HTR1F: variants seen among roughly 807,000 people sequenced by gnomAD.
HTR1F encodes the protein 5-hydroxytryptamine (serotonin) receptor 1F, G protein-coupled.
Under a neutral mutation model 24.0 loss-of-function variants are expected in HTR1F, and 17 were observed. The observed-to-expected ratio is 0.71, with a 90% confidence interval of 0.48 to 1.06. The LOEUF is 1.06. Ranked by LOEUF, HTR1F falls within the 50% of genes least tolerant of loss-of-function variation. The probability of loss-of-function intolerance (pLI) is 0.00; values close to 1 mark genes in which losing one functional copy is unlikely to be tolerated. For synonymous variants in HTR1F, 186 were observed against 156.8 expected, an observed-to-expected ratio of 1.19 and a Z score of -1.39; for missense variants, 391 against 427.8, an observed-to-expected ratio of 0.91 and a Z score of 0.76.
chr3:87,919,201 C>A (rs1184324674), intron 2 of HTR1F, among the ~76,000 whole-genome samples: 1 of 152,030 alleles, frequency 6.6e-6, no homozygotes, highest in East Asian at 1.9e-4. Flanking sequence ...ATCCTCATCT[C>A]TCACCTTATA....
intron 2 of HTR1F, among the ~76,000 whole-genome samples, chr3:87,848,902 G>T (rs1421139817): frequency 6.6e-6 from 1 of 151,476 alleles, no homozygotes; most frequent in East Asian, 1.9e-4. Flanking sequence ...ACTTACAAGG[G>T]ATGTGAAGGA....
At chr3:87,894,185 C>G (rs1383682283) in intron 2 of HTR1F, among the ~76,000 whole-genome samples, 2 of 152,084 alleles carry the variant, frequency 1.3e-5, no homozygotes, top group African/African-American at 4.8e-5. Flanking sequence ...TCTTCCCACC[C>G]TTTCCCCCTG....
At chr3:87,989,732 C>CA (rs1705775965) in intron 2 of HTR1F, among the ~76,000 whole-genome samples, 1 of 152,110 alleles carries the variant, frequency 6.6e-6, no homozygotes, top group Admixed American at 6.6e-5. Flanking sequence ...ATACAGTGCA[C>CA]AAATGGTGTG....
At chr3:87,810,441 A>C (rs1704141459) in intron 1 of HTR1F, among the ~76,000 whole-genome samples, 1 of 152,186 alleles carries the variant, frequency 6.6e-6, no homozygotes, top group African/African-American at 2.4e-5. Context: ...AGCAGACAGT[A>C]GGCCTAGAAA....
At chr3:87,972,937 G>A (rs184663883) in intron 2 of HTR1F, among the ~76,000 whole-genome samples, 3 of 151,476 alleles carry the variant, frequency 2.0e-5, no homozygotes, top group African/African-American at 4.9e-5. Flanking sequence ...TTGGGAGGCC[G>A]AGGCAGGTGG....
intron 2 of HTR1F, among the ~76,000 whole-genome samples, chr3:87,836,164 A>G (rs368589181): frequency 6.6e-6 from 1 of 152,146 alleles, no homozygotes; most frequent in South Asian, 2.1e-4. Flanking sequence ...CCTTCAGGGA[A>G]TATTTGTGAT....
intron 2 of HTR1F, among the ~76,000 whole-genome samples, chr3:87,838,121 G>T (rs747691728): frequency 6.6e-6 from 1 of 151,980 alleles, no homozygotes; most frequent in Non-Finnish European, 1.5e-5. Flanking sequence ...AAATAATAAA[G>T]AAAAAGAATC....
At chr3:87,876,232 T>C (rs1385656352) in intron 2 of HTR1F, among the ~76,000 whole-genome samples, 6 of 152,140 alleles carry the variant, frequency 3.9e-5, no homozygotes, top group Admixed American at 6.6e-5. Flanking sequence ...TACCACATGA[T>C]CCAGCAATAC....
chr3:87,833,512 A>T (rs932963798), intron 2 of HTR1F, among the ~76,000 whole-genome samples: 15 of 152,040 alleles, frequency 9.9e-5, no homozygotes, highest in African/African-American at 3.4e-4. Context: ...TAAAGCACTT[A>T]AAAAAATAGG....
chr3:87,834,459 T>G (rs1704643466), intron 2 of HTR1F, among the ~76,000 whole-genome samples: 1 of 152,130 alleles, frequency 6.6e-6, no homozygotes, highest in Non-Finnish European at 1.5e-5. Context: ...CCAAGCTATT[T>G]CCCATTAGTC....
intron 2 of HTR1F, among the ~76,000 whole-genome samples, chr3:87,987,449 C>T (rs1028662186): frequency 6.6e-6 from 1 of 151,022 alleles, no homozygotes; most frequent in African/African-American, 2.4e-5. Flanking sequence ...CCTAAGCACA[C>T]CATTACATCA....
intron 2 of HTR1F, among the ~76,000 whole-genome samples, chr3:87,983,963 A>G (rs1218136075): frequency 6.6e-6 from 1 of 152,086 alleles, no homozygotes; most frequent in Non-Finnish European, 1.5e-5. Flanking sequence ...CCTTTCACTT[A>G]CCTTCTTAAA....
chr3:87,944,923 A>G (rs1473178999), intron 2 of HTR1F, among the ~76,000 whole-genome samples: 1 of 152,222 alleles, frequency 6.6e-6, no homozygotes, highest in Non-Finnish European at 1.5e-5. Context: ...ACAACAAGGT[A>G]GTATTGGAGT....
chr3:87,920,818 C>A (rs867123879), intron 2 of HTR1F, among the ~76,000 whole-genome samples: 8 of 151,944 alleles, frequency 5.3e-5, no homozygotes, highest in Middle Eastern at 3.4e-3. Flanking sequence ...TACAACAAAC[C>A]CACATGATGT....
At chr3:87,829,248 T>G (rs773933853) in intron 2 of HTR1F, among the ~76,000 whole-genome samples, 2 of 152,132 alleles carry the variant, frequency 1.3e-5, no homozygotes, top group Non-Finnish European at 2.9e-5. Flanking sequence ...GACTCTGATA[T>G]TGTTGGGTGG....
At chr3:87,803,971 C>A (rs560834237) in intron 1 of HTR1F, among the ~76,000 whole-genome samples, 5 of 152,016 alleles carry the variant, frequency 3.3e-5, no homozygotes, top group Non-Finnish European at 7.4e-5. Flanking sequence ...TGAAACTGGG[C>A]GTACAAATCC....
chr3:87,938,681 A>G (rs1704487773), intron 2 of HTR1F, among the ~76,000 whole-genome samples: 1 of 152,168 alleles, frequency 6.6e-6, no homozygotes, highest in Admixed American at 6.5e-5. Context: ...AAAAACAAGA[A>G]ATGGGGAAAG....
intron 2 of HTR1F, among the ~76,000 whole-genome samples, chr3:87,843,942 G>C (rs1704874369): frequency 2.0e-5 from 3 of 151,342 alleles, no homozygotes; most frequent in African/African-American, 7.4e-5. Context: ...GGACATTTGG[G>C]TTGGTTCCAA....
At chr3:87,974,575 G>A (rs1705354815) in intron 2 of HTR1F, among the ~76,000 whole-genome samples, 1 of 151,748 alleles carries the variant, frequency 6.6e-6, no homozygotes, top group Non-Finnish European at 1.5e-5. Context: ...TTTAAAAAAT[G>A]ACTACCAGAA....
Sources: gnomAD v4.1 joint callset for allele counts (sites outside exome capture counted in the v4.1 genomes callset) on GRCh38, gnomAD v4.1.1 for gene constraint, MANE v1.5 for transcripts, NCBI Gene and HGNC (gene_info 2026-07-23, HGNC 2026-07-21) for gene names.